KIAA0319: variants seen among roughly 807,000 people sequenced by gnomAD.
KIAA0319 encodes the protein KIAA0319, also known as dyslexia-associated protein KIAA0319.
KIAA0319 carries 83 observed loss-of-function variants against 108.4 expected under a neutral mutation model. That is an observed-to-expected ratio of 0.77 (90% CI 0.64 to 0.92). The LOEUF is 0.92. Among genes scored for constraint, KIAA0319 ranks in the 40% least tolerant of loss-of-function variants. The pLI, the probability that KIAA0319 is intolerant of heterozygous loss-of-function variation, is 0.00. For synonymous variants in KIAA0319, 484 were observed against 510.4 expected, an observed-to-expected ratio of 0.95 and a Z score of 0.70; for missense variants, 1,195 against 1,322.4, an observed-to-expected ratio of 0.90 and a Z score of 1.49.
chr6:24,562,446 A>G (rs1304366565), intron 16 of KIAA0319, among the ~76,000 whole-genome samples: 2 of 152,238 alleles, frequency 1.3e-5, no homozygotes, highest in African/African-American at 4.8e-5. Flanking sequence ...GGAAGAGCTG[A>G]CAATAGCTAG....
chr6:24,577,879 G>T (rs1294691460), intron 9 of KIAA0319, among the ~76,000 whole-genome samples: 1 of 152,086 alleles, frequency 6.6e-6, no homozygotes, highest in Non-Finnish European at 1.5e-5. Flanking sequence ...TGAATTAAAT[G>T]AATCTCATAA....
At chr6:24,564,051 A>C in intron 15 of KIAA0319, 151 bp downstream of exon 15, 1 of 759,764 alleles carries the variant, frequency 1.3e-6, no homozygotes, top group Non-Finnish European at 2.1e-6. Context: ...GATACACAAC[A>C]AGGTGTAAGA....
intron 1 of KIAA0319, among the ~76,000 whole-genome samples, chr6:24,611,906 TGTG>T (rs2127554659): frequency 6.6e-6 from 1 of 151,562 alleles, no homozygotes; most frequent in African/African-American, 2.4e-5. Flanking sequence ...AAATAATTAG[TGTG>T]GCATAGTGAT....
At chr6:24,603,510 C>G (rs947781483) in intron 1 of KIAA0319, among the ~76,000 whole-genome samples, 1 of 152,214 alleles carries the variant, frequency 6.6e-6, no homozygotes, top group Non-Finnish European at 1.5e-5. Context: ...CCAGTTCACA[C>G]CAGTCTCTTC....
At chr6:24,590,996 T>C (rs541931867) in intron 3 of KIAA0319, among the ~76,000 whole-genome samples, 2 of 152,362 alleles carry the variant, frequency 1.3e-5, no homozygotes, top group South Asian at 2.1e-4. Context: ...AAGTTTCAAA[T>C]GGCTCTTGTT....
chr6:24,598,424 C>T, intron 2 of KIAA0319: 1 of 587,748 alleles, frequency 1.7e-6, no homozygotes, highest in Admixed American at 1.9e-5. Flanking sequence ...CAGCAGAAGA[C>T]AGTTTGGATG....
chr6:24,565,208 G>A (rs547041148), intron 14 of KIAA0319, among the ~76,000 whole-genome samples: 20 of 151,504 alleles, frequency 1.3e-4, no homozygotes, highest in African/African-American at 4.1e-4. Flanking sequence ...AGCCTAGATC[G>A]CACCACTAAA....
intron 6 of KIAA0319, among the ~76,000 whole-genome samples, chr6:24,581,873 GT>G (rs1444695891): frequency 6.6e-6 from 1 of 152,214 alleles, no homozygotes; most frequent in African/African-American, 2.4e-5. Context: ...GCTGGGCGTG[GT>G]GGCTCATGCC....
At chr6:24,604,374 C>T (rs1322199799) in intron 1 of KIAA0319, among the ~76,000 whole-genome samples, 2 of 152,130 alleles carry the variant, frequency 1.3e-5, no homozygotes, top group Non-Finnish European at 2.9e-5. Context: ...TGCTGGGGCC[C>T]AGAATAGCAA....
intron 19 of KIAA0319, among the ~76,000 whole-genome samples, chr6:24,552,762 C>T (rs1366518596): frequency 6.6e-6 from 1 of 152,140 alleles, no homozygotes; most frequent in Non-Finnish European, 1.5e-5. Flanking sequence ...TGCACCACCA[C>T]GCCCAGCTAA....
rs574525065 is a variant in KIAA0319 at position 24,568,859 on chromosome 6, T to C, written c.2062A>G (p.Thr688Ala). The C allele has an allele frequency of 2.5e-6, 4 of 1,614,108 alleles. No homozygotes were observed. The African/African-American group carries it at 5.3e-5, about 22-fold the overall frequency. The change falls in exon 13 of 21, where the codon ACC becomes GCC. Residue 688 changes from threonine to alanine, a missense_variant. By Grantham distance (58) the Thr-to-Ala change is moderately conservative. Transcript: ENST00000378214. The part of the protein sequence containing the change: ...IATVTGLQVG[T>A]YHFRLTVKDQ... ...TTCACTGTCAAACGGAAGTGGTAGG[T>C]CCCCACCTGGAGACCAGTCACAGTG...
intron 3 of KIAA0319, among the ~76,000 whole-genome samples, chr6:24,590,160 A>G (rs1768240887): frequency 6.6e-6 from 1 of 152,168 alleles, no homozygotes; most frequent in Non-Finnish European, 1.5e-5. Context: ...AGAAAAGTCC[A>G]TAAGGATATG....
At chr6:24,550,657 T>C (rs967355806) in intron 20 of KIAA0319, among the ~76,000 whole-genome samples, 2 of 152,216 alleles carry the variant, frequency 1.3e-5, no homozygotes, top group East Asian at 3.8e-4. Context: ...TGTTAGGCTT[T>C]AAAGTCCAAA....
At chr6:24,600,941 A>G (rs2127534173) in intron 2 of KIAA0319, 108 bp downstream of exon 2, 2 of 1,422,410 alleles carry the variant, frequency 1.4e-6, no homozygotes, top group Non-Finnish European at 2.0e-6. Flanking sequence ...AAATAATTCT[A>G]TTGAAAAGCA....
rs2127397823 is a variant in KIAA0319 at position 24,545,141 on chromosome 6, C to T, written c.*2024G>A. 1 of 152,288 alleles carries T rather than the reference C, an allele frequency of 6.6e-6. No homozygotes were observed. Among genetic ancestry groups the T allele is most frequent in the Non-Finnish European group, 1.5e-5 (1 of 68,024 alleles). 9.4% of individuals were successfully genotyped at this position (152,288 alleles called of 1,614,324 possible). A position where few individuals can be genotyped will look rare whatever the true frequency, so the allele number is the denominator to read the frequency against. ...CAAAAGTTCCACCAGAATTTGCCCTCCATCCATCAAGGCAGGAGTTCTTTG... is the reference window on the plus strand; with the variant it reads ...CAAAAGTTCCACCAGAATTTGCCCTTCATCCATCAAGGCAGGAGTTCTTTG... On this transcript the variant is annotated 3_prime_UTR_variant, in exon 21 of 21. Transcript: ENST00000378214.
intron 11 of KIAA0319, among the ~76,000 whole-genome samples, chr6:24,571,221 T>A (rs977731758): frequency 6.0e-5 from 9 of 151,172 alleles, no homozygotes; most frequent in African/African-American, 1.9e-4. Flanking sequence ...TTGCTAATAT[T>A]GATATAAATA....
At position 24,599,199 on chromosome 6, in the gene KIAA0319, C is replaced by G; in HGVS notation, c.55+1850G>C. ...CCAGGCCGGGGCTGACAGCCTGTACCAGGTCAAGTATGAGGAGCTGCAGGC... is the reference window on the plus strand; with the variant it reads ...CCAGGCCGGGGCTGACAGCCTGTACGAGGTCAAGTATGAGGAGCTGCAGGC... On this transcript the variant is annotated intron_variant, in intron 2 of 20. Coordinates refer to ENST00000378214, the MANE Select transcript of KIAA0319 (RefSeq NM_014809.4). The surrounding 1 kb of genome is among the most constrained non-coding windows in gnomAD (Gnocchi z 4.1). 2 of 536,788 alleles carry G rather than the reference C, an allele frequency of 3.7e-6. No homozygotes were observed. The highest frequency in any genetic ancestry group is 6.8e-6 in the Non-Finnish European group (2 of 292,894). 33.3% of individuals were successfully genotyped at this position (536,788 alleles called of 1,614,324 possible).
At chr6:24,565,116 G>A (rs1763710374) in intron 14 of KIAA0319, among the ~76,000 whole-genome samples, 1 of 152,012 alleles carries the variant, frequency 6.6e-6, no homozygotes. Context: ...AGACAGGCGT[G>A]GTGGTGGGCA....
chr6:24,603,552 C>T lies in KIAA0319; in HGVS notation c.-105-2344G>A, dbSNP rs1413045759. 2.0e-5 allele frequency among the ~76,000 whole-genome samples: 3 copies of T among 152,328 alleles called. 1 individual carries two copies. In the East Asian group the frequency reaches 5.8e-4, roughly 29 times the overall value. On this transcript the variant is annotated intron_variant, in intron 1 of 20. Transcript: ENST00000378214. ...CTCCTTCATTCCTCCTCCCTCCACGCAGAGGATGTGTGGATAAAACCTTAT... is the reference window on the plus strand; with the variant it reads ...CTCCTTCATTCCTCCTCCCTCCACGTAGAGGATGTGTGGATAAAACCTTAT...
Sources: gnomAD v4.1 joint callset for allele counts (sites outside exome capture counted in the v4.1 genomes callset) on GRCh38, gnomAD v4.1.1 for gene constraint, Gnocchi (gnomAD v3.1) non-coding constraint, MANE v1.5 for transcripts, NCBI Gene and HGNC (gene_info 2026-07-23, HGNC 2026-07-21) for gene names.